AGBL1: variants seen among roughly 807,000 people sequenced by gnomAD.
AGBL1 encodes the protein AGBL carboxypeptidase 1.
In AGBL1, 130 loss-of-function variants were observed where a neutral mutation model predicts 118.9. The observed-to-expected ratio is 1.09, with a 90% CI of 0.95 to 1.26. AGBL1 has a LOEUF of 1.26. AGBL1 is among the 50% of genes most tolerant of loss of function. The pLI, the probability that AGBL1 is intolerant of heterozygous loss-of-function variation, is 0.00. For missense variants in AGBL1, 1,584 were observed against 1,298.1 expected (o/e 1.22, Z -3.38); for synonymous variants, 555 against 478.9 (o/e 1.16, Z -2.08).
chr15:86,295,633 C>T, intron 17 of AGBL1: 1 of 373,970 alleles, frequency 2.7e-6, no homozygotes, highest in Admixed American at 4.2e-5. Context: ...AACTGTCCGG[C>T]AGATGAAATG....
At chr15:86,589,797 T>C (rs1261935393) in intron 21 of AGBL1, among the ~76,000 whole-genome samples, 1 of 152,206 alleles carries the variant, frequency 6.6e-6, no homozygotes, top group Admixed American at 6.5e-5. Context: ...CTATCATTTC[T>C]CTATCTGTCC....
At chr15:86,993,052 G>T (rs1003780682) in intron 24 of AGBL1, among the ~76,000 whole-genome samples, 4 of 152,044 alleles carry the variant, frequency 2.6e-5, no homozygotes, top group African/African-American at 7.2e-5. Flanking sequence ...ACCAATATTT[G>T]TCATTTTTTT....
At chr15:86,335,146 T>G (rs2080343156) in intron 17 of AGBL1, among the ~76,000 whole-genome samples, 1 of 152,040 alleles carries the variant, frequency 6.6e-6, no homozygotes, top group Non-Finnish European at 1.5e-5. Flanking sequence ...AAGTTATTTT[T>G]TTTTTTTTTG....
intron 6 of AGBL1, among the ~76,000 whole-genome samples, chr15:86,245,510 T>C (rs1427797684): frequency 6.6e-6 from 1 of 152,220 alleles, no homozygotes. Flanking sequence ...GCCAGGCATC[T>C]ACTGGGTAGA....
chr15:86,928,772 G>A (rs921056426), intron 23 of AGBL1, among the ~76,000 whole-genome samples: 2 of 152,288 alleles, frequency 1.3e-5, no homozygotes, highest in Non-Finnish European at 1.5e-5. Flanking sequence ...ATGAATGAAA[G>A]TAATTAAGTT....
At chr15:86,697,922 C>T (rs1239479266) in intron 22 of AGBL1, among the ~76,000 whole-genome samples, 1 of 151,906 alleles carries the variant, frequency 6.6e-6, no homozygotes, top group African/African-American at 2.4e-5. Context: ...GATACCAGCA[C>T]AGTATTTGGG....
At chr15:86,261,034 A>T (rs2078973755) in intron 9 of AGBL1, among the ~76,000 whole-genome samples, 1 of 152,220 alleles carries the variant, frequency 6.6e-6, no homozygotes, top group African/African-American at 2.4e-5. Context: ...TGAGAAAACA[A>T]CCATGATCAA....
chr15:86,604,864 C>T (rs1402554071), intron 21 of AGBL1, among the ~76,000 whole-genome samples: 2 of 141,278 alleles, frequency 1.4e-5, no homozygotes, highest in African/African-American at 2.6e-5. Flanking sequence ...TATGTGATCT[C>T]GGCTCACTGC....
Position 86,549,039 on chromosome 15 carries a change from C to T in AGBL1, c.2817+2906C>T, listed in dbSNP as rs142133831. ...CATGAGAATTCACTCATTATTGCAA[C>T]GACAGCACCAAGAAGATGATGCAAA... On this transcript the variant is annotated intron_variant, in intron 20 of 22. Coordinates refer to ENST00000614907, the MANE Select transcript of AGBL1 (RefSeq NM_001386094.1). 3.0e-3 allele frequency among the ~76,000 whole-genome samples: 450 copies of T among 152,094 alleles called. 3 individuals carry two copies. Among genetic ancestry groups the T allele is most frequent in the African/African-American group, 9.8e-3 (407 of 41,474 alleles).
In AGBL1 at chr15:86,673,664, T is replaced by C. The variant is rs189987820; in HGVS notation, c.2995-609T>C. Among the ~76,000 whole-genome samples, 14 of 152,310 alleles carry C rather than the reference T, an allele frequency of 9.2e-5. No individual in the cohort carries two copies. In the East Asian group the frequency reaches 2.7e-3, roughly 29 times the overall value. On this transcript the variant is annotated intron_variant, in intron 21 of 22. Transcript: ENST00000614907. ...TATTTGGCATGCAGTAAGTGATCAA[T>C]TAAGTTTGGTCAATTGTTATTATTA...
intron 15 of AGBL1, among the ~76,000 whole-genome samples, 180 bp from the exon 16 acceptor site, chr15:86,279,459 G>A (rs1396899025): frequency 1.3e-5 from 2 of 152,228 alleles, no homozygotes; most frequent in African/African-American, 4.8e-5. Flanking sequence ...TGAACTGGCA[G>A]TAAGTTTACT....
At chr15:86,983,200 T>C (rs570810350) in intron 23 of AGBL1, among the ~76,000 whole-genome samples, 14 of 152,200 alleles carry the variant, frequency 9.2e-5, no homozygotes, top group Non-Finnish European at 1.5e-4. Flanking sequence ...TTCAAATTGC[T>C]TACTAATATA....
intron 18 of AGBL1, among the ~76,000 whole-genome samples, chr15:86,480,128 C>G (rs1388061473): frequency 1.3e-5 from 2 of 152,074 alleles, no homozygotes; most frequent in Non-Finnish European, 2.9e-5. Context: ...GGAAATATAC[C>G]TAATGTAAAT....
At chr15:86,341,387 G>GAAC (rs58206344) in intron 17 of AGBL1, among the ~76,000 whole-genome samples, 105,261 of 151,770 alleles carry the variant, frequency 0.69, 37,495 homozygotes, top group Non-Finnish European at 0.78. Flanking sequence ...GGCAAAACAA[G>GAAC]AACAACCAAC....
chr15:86,993,557 T>C (rs74025747), intron 24 of AGBL1, among the ~76,000 whole-genome samples: 15,010 of 152,160 alleles, frequency 0.099, 1,313 homozygotes, highest in African/African-American at 0.23. Flanking sequence ...GGGAGGTTTC[T>C]GAGGGGTGGG....
chr15:86,296,948 T>A (rs899222377), intron 17 of AGBL1: 5 of 152,186 alleles, frequency 3.3e-5, no homozygotes, highest in African/African-American at 4.8e-5. Flanking sequence ...AGTGCCTCCG[T>A]TTTTGCATTT....
At chr15:86,995,740 G>C (rs1265949497) in intron 24 of AGBL1, among the ~76,000 whole-genome samples, 1 of 152,152 alleles carries the variant, frequency 6.6e-6, no homozygotes, top group Non-Finnish European at 1.5e-5. Context: ...TTTTCCTCCT[G>C]AATTTGAATT....
intron 1 of AGBL1, among the ~76,000 whole-genome samples, chr15:86,139,109 C>A (rs546336941): frequency 6.6e-6 from 1 of 152,256 alleles, no homozygotes; most frequent in South Asian, 2.1e-4. Context: ...AGAATGATAT[C>A]ATCTATTAAC....
chr15:86,866,204 T>C (rs2079626642), intron 22 of AGBL1, among the ~76,000 whole-genome samples: 1 of 152,190 alleles, frequency 6.6e-6, no homozygotes, highest in East Asian at 1.9e-4. Flanking sequence ...AACATTCCAT[T>C]GAAGGAATTA....
Sources: allele counts gnomAD v4.1 joint callset (sites outside exome capture counted in the v4.1 genomes callset), GRCh38; gene constraint gnomAD v4.1.1; transcripts MANE v1.5; gene names NCBI Gene and HGNC (gene_info 2026-07-23, HGNC 2026-07-21).